Variants in POLR3A observed in about 807,000 individuals in gnomAD.
POLR3A encodes RNA polymerase III subunit A, also known as DNA-directed RNA polymerase III subunit RPC1.
POLR3A carries 112 observed loss-of-function variants against 152.8 expected under a neutral mutation model. The observed-to-expected ratio is 0.73, with a 90% confidence interval of 0.63 to 0.86. The LOEUF (loss-of-function observed/expected upper bound fraction) is 0.86, where lower values mean the gene tolerates loss of function less well. Among genes scored for constraint, POLR3A ranks in the 40% least tolerant of loss-of-function variants. POLR3A has a pLI of 0.00. For synonymous variants in POLR3A, 615 were observed against 652.1 expected (o/e 0.94, Z 0.87); for missense variants, 1,385 against 1,743.1 (o/e 0.79, Z 3.66).
chr10:77,982,622 G>A (rs1406828048), intron 27 of POLR3A, 31 bp downstream of exon 27: 2 of 1,604,912 alleles, frequency 1.2e-6, no homozygotes, highest in East Asian at 2.2e-5. Context: ...GGGAGATGCT[G>A]GGTCTCCATG....
chr10:77,988,579 T>C (rs974908426), intron 21 of POLR3A, among the ~76,000 whole-genome samples: 8 of 152,136 alleles, frequency 5.3e-5, no homozygotes, highest in Non-Finnish European at 1.2e-4. Flanking sequence ...CTCTCCTGAT[T>C]CCTTGTTATT....
chr10:77,986,023 C>T lies in POLR3A; in HGVS notation c.2989-38G>A, dbSNP rs377289018. 2.0e-4 allele frequency: 324 copies of T among 1,601,880 alleles called. 1 individual carries two copies. In the South Asian group the frequency reaches 2.3e-3, roughly 12 times the overall value. Reference sequence around the variant, plus strand: ...AAGCCAAGCACAGAGTTAGGGCCAGCGGCAACTACAAACAGCTCGGGGTTC... The same window carrying T: ...AAGCCAAGCACAGAGTTAGGGCCAGTGGCAACTACAAACAGCTCGGGGTTC... On this transcript the variant is annotated intron_variant, in intron 22 of 30. Transcript: ENST00000372371.
At chr10:78,011,172 C>T (rs1847463332) in intron 11 of POLR3A, among the ~76,000 whole-genome samples, 1 of 152,158 alleles carries the variant, frequency 6.6e-6, no homozygotes, top group South Asian at 2.1e-4. Context: ...ATAGGTGCTT[C>T]TCCAAAGAAA....
At chr10:78,013,428 A>C (rs1157890221) in intron 11 of POLR3A, 1 of 566,868 alleles carries the variant, frequency 1.8e-6, no homozygotes, top group African/African-American at 1.9e-5. Context: ...TCTGTTACAG[A>C]CCCTAACTCT....
At chr10:77,980,052 A>G in intron 30 of POLR3A, 89 bp downstream of exon 30, 1 of 1,197,608 alleles carries the variant, frequency 8.3e-7, no homozygotes, top group Non-Finnish European at 1.2e-6. Context: ...TCTGCCACTC[A>G]GTTTTTTTCA....
Position 78,009,522 on chromosome 10 carries a change from G to A in POLR3A, c.1909+15C>T, listed in dbSNP as rs1485721606. 1.2e-6 allele frequency: 2 copies of A among 1,614,064 alleles called. No homozygotes were observed. Among genetic ancestry groups the A allele is most frequent in the East Asian group, 2.2e-5 (1 of 44,888 alleles). ...CACGTTCCTCCTTCTCCCCACCCGA[G>A]TTCCGTCCACTCACAGGAATCATTG... On this transcript the variant is annotated intron_variant, in intron 14 of 30. Coordinates refer to ENST00000372371, the MANE Select transcript of POLR3A (RefSeq NM_007055.4).
At chr10:78,001,465 T>C (rs1443895706) in intron 17 of POLR3A, among the ~76,000 whole-genome samples, 1 of 151,296 alleles carries the variant, frequency 6.6e-6, no homozygotes, top group African/African-American at 2.4e-5. Context: ...GACAGAGAAA[T>C]GGAAAAGTGT....
At chr10:78,012,618 G>A (rs1436704052) in intron 11 of POLR3A, among the ~76,000 whole-genome samples, 2 of 152,060 alleles carry the variant, frequency 1.3e-5, no homozygotes, top group Non-Finnish European at 2.9e-5. Flanking sequence ...TCAGTAGTTG[G>A]GGATCATGAA....
At chr10:78,015,616 A>G (rs551805704) in intron 10 of POLR3A, among the ~76,000 whole-genome samples, 1 of 151,712 alleles carries the variant, frequency 6.6e-6, no homozygotes, top group South Asian at 2.1e-4. Context: ...GAGCCATCAC[A>G]CCTGGCCTCA....
intron 15 of POLR3A, among the ~76,000 whole-genome samples, chr10:78,007,272 T>C (rs1847420600): frequency 6.6e-6 from 1 of 152,168 alleles, no homozygotes. Flanking sequence ...ACTTGACTCA[T>C]GGCCCACTCA....
At position 78,004,764 on chromosome 10, in the gene POLR3A, C is replaced by T. The variant is rs373577649; in HGVS notation, c.2199G>A (p.Thr733=). ...AGCCAGGCTGCTGCTGCAGCTTGCC[C>T]GTGTTCAGGGCTTCGATGTACTCAT... ...KCDEYIEALN[T]GKLQQQPGCT... is the part of the protein sequence containing the mutation. The change falls in exon 16 of 31, where the codon ACG becomes ACA. Residue 733 remains threonine, a synonymous_variant. Transcript: ENST00000372371. 2.5e-5 allele frequency: 40 copies of T among 1,613,872 alleles called. No homozygotes were observed. Among genetic ancestry groups the T allele is most frequent in the Admixed American group, 3.3e-5 (2 of 60,004 alleles).
chr10:77,989,112 A>G (rs1369832509), intron 21 of POLR3A, among the ~76,000 whole-genome samples: 2 of 152,240 alleles, frequency 1.3e-5, no homozygotes, highest in African/African-American at 4.8e-5. Flanking sequence ...AAAAAAAGAA[A>G]AACAGCTCAC....
At chr10:77,990,541 T>A (rs2131934924) in intron 21 of POLR3A, among the ~76,000 whole-genome samples, 1 of 152,034 alleles carries the variant, frequency 6.6e-6, no homozygotes, top group Admixed American at 6.6e-5. Flanking sequence ...AGACATAAAC[T>A]AAGAAAGTCA....
rs1393269933 is a variant in POLR3A at position 77,985,924 on chromosome 10, G to A, written c.3050C>T (p.Thr1017Ile). Residue 1017 changes from threonine (T) to isoleucine (I), a missense_variant, in exon 23 of 31, where the codon ACC becomes ATC. Around this residue, in one of 7 missense-constraint regions of POLR3A, gnomAD observed 178 missense variants for 204.6 expected, o/e 0.87. Transcript: ENST00000372371. ...CTACCTCATGTACTTGTCCCTACAG[G>A]TCTCCAGAAACTTTTCTACTTGGGT... Reference protein sequence around the residue: ...TPTQVEKFLETCRDKYMRAQM... With the variant: ...TPTQVEKFLEICRDKYMRAQM... 1 of 1,613,920 alleles carries A rather than the reference G, an allele frequency of 6.2e-7. No individual in the cohort carries two copies. The highest frequency in any genetic ancestry group is 2.2e-5 in the East Asian group (1 of 44,884).
chr10:77,979,502 TTCCCCTCGTGCTCCCTC>T (rs1179131420), intron 30 of POLR3A, among the ~76,000 whole-genome samples: 8 of 151,928 alleles, frequency 5.3e-5, no homozygotes, highest in Admixed American at 3.9e-4. Flanking sequence ...CTGGGGAGAG[TTCCCCTCGTGCTCCCTC>T]TCCCCCAGGC....
intron 19 of POLR3A, among the ~76,000 whole-genome samples, chr10:77,995,587 G>A (rs886769462): frequency 1.3e-5 from 2 of 151,942 alleles, no homozygotes; most frequent in Non-Finnish European, 2.9e-5. Flanking sequence ...ATGGTAAAGG[G>A]ATCAATTCAA....
At chr10:77,979,938 C>G (rs1847124235) in intron 30 of POLR3A, among the ~76,000 whole-genome samples, 3 of 152,170 alleles carry the variant, frequency 2.0e-5, no homozygotes, top group Non-Finnish European at 4.4e-5. Flanking sequence ...AGTCATCCAA[C>G]AGATGTAAAC....
chr10:77,999,823 T>C (rs1847338700), intron 19 of POLR3A, among the ~76,000 whole-genome samples, 158 bp downstream of exon 19: 1 of 152,212 alleles, frequency 6.6e-6, no homozygotes, highest in African/African-American at 2.4e-5. Context: ...TTTTTGGTTG[T>C]TCATTTCCAG....
In POLR3A at chr10:77,982,220, G is replaced by A; in HGVS notation, c.3693C>T (p.Asn1231=). Reference sequence around the variant, plus strand: ...CGTGTGTGGCCATGACTGCCCGCAGGTTATCACCTTCCACCAGAAGCTTGT... The same window carrying A: ...CGTGTGTGGCCATGACTGCCCGCAGATTATCACCTTCCACCAGAAGCTTGT... ...EKYKLLVEGD[N]LRAVMATHGV... is the part of the protein sequence containing the mutation. Residue 1231 remains asparagine, a synonymous_variant, in exon 28 of 31, where the codon AAC becomes AAT. Coordinates refer to ENST00000372371, the MANE Select transcript of POLR3A (RefSeq NM_007055.4). The A allele has an allele frequency of 6.2e-7, 1 of 1,613,994 alleles. No individual in the cohort carries two copies. Among genetic ancestry groups the A allele is most frequent in the East Asian group, 2.2e-5 (1 of 44,864 alleles).
Sources: gnomAD v4.1 joint callset for allele counts (sites outside exome capture counted in the v4.1 genomes callset) on GRCh38, gnomAD v4.1.1 for gene constraint, gnomAD v4.1.1 regional missense constraint, MANE v1.5 for transcripts, NCBI Gene and HGNC (gene_info 2026-07-23, HGNC 2026-07-21) for gene names.